YTHDC1: variants seen among roughly 807,000 people sequenced by gnomAD.
YTHDC1 encodes the protein YTH N6-methyladenosine RNA binding protein C1, also known as YTH domain-containing protein 1.
YTHDC1 carries 12 observed loss-of-function variants against 107.0 expected under a neutral mutation model. The ratio of observed to expected loss-of-function variants is 0.11; its 90% CI spans 0.07 to 0.18. The LOEUF is 0.18. YTHDC1 is among the 10% of genes least tolerant of loss of function. The pLI, the probability that YTHDC1 is intolerant of heterozygous loss-of-function variation, is 1.00. For missense variants in YTHDC1, 635 were observed against 898.8 expected (o/e 0.71, Z 3.75); for synonymous variants, 280 against 289.5 (o/e 0.97, Z 0.33).
At chr4:68,343,203 A>T (rs564148741) in intron 1 of YTHDC1, among the ~76,000 whole-genome samples, 63 of 151,464 alleles carry the variant, frequency 4.2e-4, no homozygotes, top group Non-Finnish European at 8.3e-4. Flanking sequence ...CTTTTTTTTT[A>T]ATTTGTTTTT....
Position 68,310,505 on chromosome 4 carries a change from C to A in YTHDC1, c.*3594G>T, listed in dbSNP as rs1578004383. 2 of 152,064 alleles carry A rather than the reference C, an allele frequency of 1.3e-5. No individual in the cohort carries two copies. Among genetic ancestry groups the A allele is most frequent in the South Asian group, 4.2e-4 (2 of 4,796 alleles). 9.4% of individuals were successfully genotyped at this position (152,064 alleles called of 1,614,324 possible). ...TTTAGAAACAAGAGAATCCCCACCC[C>A]AAAAAATTAGAGATTAAATGATCTA... On this transcript the variant is annotated 3_prime_UTR_variant, in exon 17 of 17. Transcript: ENST00000344157.
chr4:68,339,548 ATATAT>A (rs766165228), intron 1 of YTHDC1, among the ~76,000 whole-genome samples: 19 of 152,236 alleles, frequency 1.2e-4, no homozygotes, highest in Non-Finnish European at 1.9e-4. Flanking sequence ...AGGGACAAAG[ATATAT>A]TATGTCTACA....
chr4:68,320,766 C>T (rs867493384), intron 11 of YTHDC1, among the ~76,000 whole-genome samples: 1 of 152,016 alleles, frequency 6.6e-6, no homozygotes, highest in African/African-American at 2.4e-5. Context: ...TTATTAAAAG[C>T]AACTTTACAG....
chr4:68,318,971 C>CT, intron 12 of YTHDC1, 109 bp from the exon 13 acceptor site: 5 of 1,160,144 alleles, frequency 4.3e-6, no homozygotes, highest in Non-Finnish European at 6.3e-6. Context: ...GAAATATGTA[C>CT]TTTAAGTGAT....
In YTHDC1 at chr4:68,322,991, A is replaced by C. The variant is rs1464292827; in HGVS notation, c.1435-76T>G. 7.6e-6 allele frequency: 11 copies of C among 1,452,180 alleles called. No individual in the cohort carries two copies. The Admixed American group carries it at 8.0e-5, about 11-fold the overall frequency. The allele number at this position is 1,452,180 out of a possible 1,614,324, so 90.0% of individuals were successfully genotyped here. A position where few individuals can be genotyped will look rare whatever the true frequency, so the allele number is the denominator to read the frequency against. On this transcript the variant is annotated intron_variant, in intron 10 of 16. Coordinates refer to ENST00000344157, the MANE Select transcript of YTHDC1 (RefSeq NM_001031732.4). The surrounding 1 kb of genome is among the most constrained non-coding windows in gnomAD (Gnocchi z 4.8). ...GACTTGCATTTTCCTGATGTACCAGAACAAAAACTGACTTGGAAGCTTTCT... is the reference window on the plus strand; with the variant it reads ...GACTTGCATTTTCCTGATGTACCAGCACAAAAACTGACTTGGAAGCTTTCT...
intron 15 of YTHDC1, among the ~76,000 whole-genome samples, chr4:68,317,628 TTTAA>T (rs1360298611): frequency 6.6e-5 from 10 of 152,292 alleles, no homozygotes; most frequent in Non-Finnish European, 1.0e-4. Flanking sequence ...ATAATCAGGG[TTTAA>T]TTAATCTTAT....
chr4:68,341,373 C>T (rs1326283702), intron 1 of YTHDC1, among the ~76,000 whole-genome samples: 2 of 152,120 alleles, frequency 1.3e-5, no homozygotes, highest in African/African-American at 4.8e-5. Context: ...AACATTACAA[C>T]ATTTAAAATC....
rs1271480902 is a variant in YTHDC1, at chr4:68,312,284, CAA to C, written c.*1813_*1814del. On this transcript the variant is annotated 3_prime_UTR_variant, in exon 17 of 17. Transcript: ENST00000344157. ...TTAAATGAGTCTGTATATAAAAGCA[CAA>C]AGTCTCTATTGCATACAAAGTGCTC... The C allele has an allele frequency of 1.3e-5, 2 of 152,176 alleles. No individual in the cohort carries two copies. Among genetic ancestry groups the C allele is most frequent in the Non-Finnish European group, 2.9e-5 (2 of 68,026 alleles). 9.4% of individuals were successfully genotyped at this position (152,176 alleles called of 1,614,324 possible). A position where few individuals can be genotyped will look rare whatever the true frequency, so the allele number is the denominator to read the frequency against.
rs1026237960 is a variant in YTHDC1 at position 68,337,214 on chromosome 4, C to T, written c.696G>A (p.Glu232=). The T allele has an allele frequency of 1.3e-6, 2 of 1,597,490 alleles. No individual in the cohort carries two copies. The highest frequency in any genetic ancestry group is 2.7e-5 in the African/African-American group (2 of 74,444). The change falls in exon 4 of 17, where the codon GAG becomes GAA. Residue 232 remains glutamate, a synonymous_variant. Coordinates refer to ENST00000344157, the MANE Select transcript of YTHDC1 (RefSeq NM_001031732.4). ...DEEVDEDGEE[E]EEEEEEEEEE... ...CCTCTTCCTCCTCCTCCTCTTCCTC[C>T]TCCTCCTCTCCATCTTCATCCACCT... is the stretch of plus-strand genomic sequence containing the variant.
At chr4:68,341,223 G>T (rs1197656636) in intron 1 of YTHDC1, among the ~76,000 whole-genome samples, 6 of 152,076 alleles carry the variant, frequency 3.9e-5, no homozygotes, top group Admixed American at 3.9e-4. Flanking sequence ...TCCGGCTTTA[G>T]AAATTGACAG....
intron 11 of YTHDC1, among the ~76,000 whole-genome samples, chr4:68,321,073 C>T (rs145032023): frequency 1.3e-3 from 204 of 152,182 alleles, no homozygotes; most frequent in South Asian, 3.1e-3. Flanking sequence ...TCATTAAATA[C>T]ACTTCAATTT....
rs143229682 is a variant in YTHDC1, at chr4:68,342,779, T to C, written c.29-4395A>G. On this transcript the variant is annotated intron_variant, in intron 1 of 16. Transcript: ENST00000344157. ...ATGAATTATAAAAGAAGAAACATTT[T>C]AATACTCTCACAAGCTACTGCTGTT... is the stretch of plus-strand genomic sequence containing the variant. Among the ~76,000 whole-genome samples the C allele has an allele frequency of 5.9e-3, 901 of 152,296 alleles. 6 individuals are homozygous for C. The highest frequency in any genetic ancestry group is 8.3e-3 in the Non-Finnish European group (567 of 68,024).
intron 1 of YTHDC1, among the ~76,000 whole-genome samples, chr4:68,346,583 T>C (rs1725468083): frequency 6.6e-6 from 1 of 152,208 alleles, no homozygotes; most frequent in African/African-American, 2.4e-5. Flanking sequence ...CTGTCCTGCC[T>C]GGAAAATGAA....
chr4:68,331,724 T>A (rs923632033), intron 7 of YTHDC1, among the ~76,000 whole-genome samples: 2 of 151,836 alleles, frequency 1.3e-5, no homozygotes, highest in Non-Finnish European at 2.9e-5. Context: ...AACCTCAAAG[T>A]GTAAATCAAG....
chr4:68,344,588 G>A (rs1218449030), intron 1 of YTHDC1, among the ~76,000 whole-genome samples: 1 of 152,140 alleles, frequency 6.6e-6, no homozygotes, highest in East Asian at 1.9e-4. Flanking sequence ...TGAAACAGCT[G>A]GCTGATAGAT....
At chr4:68,348,474 CAA>C (rs34746525) in intron 1 of YTHDC1, among the ~76,000 whole-genome samples, 5,832 of 120,928 alleles carry the variant, frequency 0.048, 323 homozygotes, top group African/African-American at 0.15. Flanking sequence ...CTGGATTTCT[CAA>C]AAAAAAAAAA....
Position 68,310,947 on chromosome 4 carries a change from G to C in YTHDC1, c.*3152C>G, listed in dbSNP as rs1721260575. On this transcript the variant is annotated 3_prime_UTR_variant, in exon 17 of 17. Coordinates refer to ENST00000344157, the MANE Select transcript of YTHDC1 (RefSeq NM_001031732.4). ...CACACCTGTGATGGCAAAATACTCT[G>C]AAAAGTCAAACATTCAGGTGTTATA... 6.6e-6 allele frequency: 1 copy of C among 152,140 alleles called. No individual in the cohort carries two copies. Among genetic ancestry groups the C allele is most frequent in the African/African-American group, 2.4e-5 (1 of 41,398 alleles). 9.4% of individuals were successfully genotyped at this position (152,140 alleles called of 1,614,324 possible). A position where few individuals can be genotyped will look rare whatever the true frequency, so the allele number is the denominator to read the frequency against.
rs1466639478 is a variant in YTHDC1 at position 68,312,004 on chromosome 4, G to C, written c.*2095C>G. The C allele has an allele frequency of 6.6e-6, 1 of 152,080 alleles. No homozygotes were observed. The highest frequency in any genetic ancestry group is 1.5e-5 in the Non-Finnish European group (1 of 68,042). 9.4% of individuals were successfully genotyped at this position (152,080 alleles called of 1,614,324 possible). On this transcript the variant is annotated 3_prime_UTR_variant, in exon 17 of 17. Coordinates refer to ENST00000344157, the MANE Select transcript of YTHDC1 (RefSeq NM_001031732.4). Reference sequence around the variant, plus strand: ...TCTACTAAAATTACAAAAATTAGCGGGGTGTGGTGGTGGGTGCCTGTAGTC... The same window carrying C: ...TCTACTAAAATTACAAAAATTAGCGCGGTGTGGTGGTGGGTGCCTGTAGTC...
intron 1 of YTHDC1, among the ~76,000 whole-genome samples, chr4:68,346,100 T>TATGTAC (rs144743953): frequency 5.2e-5 from 7 of 134,134 alleles, no homozygotes; most frequent in South Asian, 2.3e-4. Flanking sequence ...TATATATATA[T>TATGTAC]ACACACACAC....
Sources: allele counts gnomAD v4.1 joint callset (sites outside exome capture counted in the v4.1 genomes callset), GRCh38; gene constraint gnomAD v4.1.1; non-coding constraint Gnocchi (gnomAD v3.1); transcripts MANE v1.5; gene names NCBI Gene and HGNC (gene_info 2026-07-23, HGNC 2026-07-21).